Variants in CENPH observed in about 807,000 individuals in gnomAD.
The protein encoded by CENPH is centromere protein H.
A neutral mutation model predicts 42.9 loss-of-function variants in CENPH; 40 were observed. That is an observed-to-expected ratio of 0.93 (90% confidence interval 0.72 to 1.21). The LOEUF (loss-of-function observed/expected upper bound fraction) is 1.21. CENPH is among the 50% of genes most tolerant of loss of function. The probability of loss-of-function intolerance (pLI) is 0.00; values close to 1 mark genes in which losing one functional copy is unlikely to be tolerated. For synonymous variants in CENPH, 88 were observed against 96.5 expected, an observed-to-expected ratio of 0.91 and a Z score of 0.52; for missense variants, 302 against 292.9, an observed-to-expected ratio of 1.03 and a Z score of -0.23.
chr5:69,192,811 A>G lies in CENPH; in HGVS notation c.190+961A>G, dbSNP rs777910739. 1.3e-4 allele frequency among the ~76,000 whole-genome samples: 20 copies of G among 152,236 alleles called. No individual in the cohort carries two copies. The East Asian group carries it at 1.7e-3, about 13-fold the overall frequency. On this transcript the variant is annotated intron_variant, in intron 2 of 8. Transcript: ENST00000283006. ...TTCTTTTACCATTTAAAAAATATAT[A>G]TATGGCTGGGCTTGGTAGCTCACAC...
chr5:69,199,392 C>A (rs371209199), intron 5 of CENPH, among the ~76,000 whole-genome samples: 1 of 152,060 alleles, frequency 6.6e-6, no homozygotes, highest in African/African-American at 2.4e-5. Context: ...CCAGGCTGGT[C>A]GCGAACTGCT....
At chr5:69,190,123 A>G (rs1233068867) in intron 1 of CENPH, among the ~76,000 whole-genome samples, 1 of 152,096 alleles carries the variant, frequency 6.6e-6, no homozygotes, top group Non-Finnish European at 1.5e-5. Context: ...TGCCCCTACC[A>G]TTTCTTTTAG....
At chr5:69,202,419 C>G (rs1262503734) in intron 5 of CENPH, 87 bp from the exon 6 acceptor site, 3 of 748,044 alleles carry the variant, frequency 4.0e-6, no homozygotes, top group Non-Finnish European at 6.9e-6. Flanking sequence ...TAAGTTTTCA[C>G]TCATTGATTC....
At chr5:69,208,115 G>T (rs1391166104) in intron 7 of CENPH, 81 bp from the exon 8 acceptor site, 16 of 698,890 alleles carry the variant, frequency 2.3e-5, no homozygotes, top group Non-Finnish European at 3.5e-5. Flanking sequence ...TAACCAAGAA[G>T]TGATCTGCTT....
chr5:69,208,890 G>A (rs527829394), intron 8 of CENPH, among the ~76,000 whole-genome samples: 1 of 151,844 alleles, frequency 6.6e-6, no homozygotes, highest in African/African-American at 2.4e-5. Flanking sequence ...CTCCTCCTGG[G>A]TTCAAGCGAT....
intron 7 of CENPH, among the ~76,000 whole-genome samples, chr5:69,203,356 A>G (rs1748089116): frequency 6.9e-6 from 1 of 145,416 alleles, no homozygotes; most frequent in Non-Finnish European, 1.5e-5. Context: ...TATGTTAAAA[A>G]AAATTTTTTA....
intron 1 of CENPH, among the ~76,000 whole-genome samples, chr5:69,191,012 T>C (rs1229252492): frequency 6.6e-6 from 1 of 152,260 alleles, no homozygotes; most frequent in African/African-American, 2.4e-5. Flanking sequence ...AATTACCATT[T>C]GCTCATAGTT....
chr5:69,198,736 C>G (rs1748007976), intron 5 of CENPH, among the ~76,000 whole-genome samples: 1 of 152,114 alleles, frequency 6.6e-6, no homozygotes, highest in Non-Finnish European at 1.5e-5. Context: ...CATTTGAGAT[C>G]AGCCTGGGCA....
intron 2 of CENPH, among the ~76,000 whole-genome samples, chr5:69,192,621 T>TA (rs1325904392): frequency 2.6e-5 from 4 of 151,690 alleles, no homozygotes; most frequent in South Asian, 4.2e-4. Flanking sequence ...CCTACAAAAA[T>TA]AAAAAAAACG....
chr5:69,195,761 CT>C lies in CENPH; in HGVS notation c.288del (p.Phe96LeufsTer3). 1 of 1,558,652 alleles carries C rather than the reference CT, an allele frequency of 6.4e-7. No individual in the cohort carries two copies. The highest frequency in any genetic ancestry group is 8.7e-7 in the Non-Finnish European group (1 of 1,148,116). On this transcript the variant is annotated frameshift_variant, in exon 4 of 9. Transcript: ENST00000283006. LOFTEE classifies it high-confidence loss of function. ...AATGAAATTGAAGAGGTAAAAGTTG[CT>C]TTTGAGATAAAAAAGCTTGCATTAG... ...LENEIEEVKV[A>X]FEIKKLALDR...
At chr5:69,197,180 A>G in intron 5 of CENPH, 71 bp downstream of exon 5, 3 of 975,726 alleles carry the variant, frequency 3.1e-6, no homozygotes, top group South Asian at 2.1e-5. Context: ...TGTGAATTTT[A>G]AAAAATTATT....
At chr5:69,207,012 A>T (rs1269617601) in intron 7 of CENPH, among the ~76,000 whole-genome samples, 1 of 151,994 alleles carries the variant, frequency 6.6e-6, no homozygotes, top group African/African-American at 2.4e-5. Context: ...TGCTCAGGCT[A>T]TACCCTTTTG....
chr5:69,196,214 ACAAGCC>A (rs1159717256), intron 4 of CENPH, among the ~76,000 whole-genome samples: 1 of 152,150 alleles, frequency 6.6e-6, no homozygotes, highest in African/African-American at 2.4e-5. Flanking sequence ...CTGGGATTAC[ACAAGCC>A]CAGCCTGGTC....
intron 7 of CENPH, among the ~76,000 whole-genome samples, chr5:69,204,919 C>CTTTTTTT (rs375795328): frequency 2.3e-4 from 23 of 99,410 alleles, no homozygotes; most frequent in African/African-American, 3.9e-4. Flanking sequence ...TTTTCTTTTT[C>CTTTTTTT]TTTTTTTTTT....
chr5:69,197,051 A>G lies in CENPH; in HGVS notation c.315-2A>G. 6.4e-7 allele frequency: 1 copy of G among 1,558,812 alleles called. No homozygotes were observed. Among genetic ancestry groups the G allele is most frequent in the Non-Finnish European group, 8.6e-7 (1 of 1,158,162 alleles). On this transcript the variant is annotated splice_acceptor_variant, in intron 4 of 8. Transcript: ENST00000283006. LOFTEE classifies it high-confidence loss of function. Reference sequence around the variant, plus strand: ...ATAATGCAAGCTTTTTCCCTCTCATAGGATGAGACTTTCAACTGCACTTAA... The same window carrying G: ...ATAATGCAAGCTTTTTCCCTCTCATGGGATGAGACTTTCAACTGCACTTAA...
chr5:69,205,166 C>T (rs1320748946), intron 7 of CENPH, among the ~76,000 whole-genome samples: 1 of 152,056 alleles, frequency 6.6e-6, no homozygotes, highest in Admixed American at 6.6e-5. Context: ...GATCCACCCA[C>T]CTCAGCCTCC....
chr5:69,202,127 C>T (rs1226802334), intron 5 of CENPH, among the ~76,000 whole-genome samples: 1 of 152,074 alleles, frequency 6.6e-6, no homozygotes, highest in Non-Finnish European at 1.5e-5. Flanking sequence ...TAAAATTGCT[C>T]TAAAAAATAC....
At chr5:69,209,155 TATTGTAAAC>T (rs1748208044) in intron 8 of CENPH, among the ~76,000 whole-genome samples, 2 of 152,318 alleles carry the variant, frequency 1.3e-5, no homozygotes, top group African/African-American at 4.8e-5. Context: ...CATAAAAAAT[TATTGTAAAC>T]ATTGTAAATA....
intron 5 of CENPH, among the ~76,000 whole-genome samples, chr5:69,202,016 CA>C (rs1748067127): frequency 1.3e-5 from 2 of 152,140 alleles, no homozygotes; most frequent in South Asian, 4.1e-4. Context: ...ATGCATGTGT[CA>C]GGGGTAGGGT....
Sources: allele counts gnomAD v4.1 joint callset (sites outside exome capture counted in the v4.1 genomes callset), GRCh38; gene constraint gnomAD v4.1.1; transcripts MANE v1.5; gene names NCBI Gene and HGNC (gene_info 2026-07-23, HGNC 2026-07-21).